Variants in CYP4F12 observed in about 807,000 individuals in gnomAD.
The protein encoded by CYP4F12 is cytochrome P450 4F12.
A neutral mutation model predicts 56.5 loss-of-function variants in CYP4F12; 60 were observed. That is an observed-to-expected ratio of 1.06 (90% confidence interval 0.86 to 1.32). The LOEUF (loss-of-function observed/expected upper bound fraction) is 1.32, where lower values mean the gene tolerates loss of function less well. CYP4F12 is among the 40% of genes most tolerant of loss of function. The pLI, the probability that CYP4F12 is intolerant of heterozygous loss-of-function variation, is 0.00. For missense variants in CYP4F12, 711 were observed against 683.5 expected, an observed-to-expected ratio of 1.04 and a Z score of -0.45; for synonymous variants, 263 against 264.9, an observed-to-expected ratio of 0.99 and a Z score of 0.07.
At chr19:15,695,588 A>C (rs1352434667) in intron 9 of CYP4F12, among the ~76,000 whole-genome samples, 1 of 151,934 alleles carries the variant, frequency 6.6e-6, no homozygotes, top group East Asian at 1.9e-4. Context: ...ACGCTAAATA[A>C]GAGCAAAACA....
chr19:15,684,936 A>T (rs1341158668), intron 8 of CYP4F12, 54 bp downstream of exon 8: 1 of 1,569,924 alleles, frequency 6.4e-7, no homozygotes, highest in East Asian at 2.2e-5. Flanking sequence ...CCATCTCAGG[A>T]TCCGGGTGGG....
In CYP4F12 at chr19:15,683,568, G is replaced by C; in HGVS notation, c.723G>C (p.Gln241His). 1 of 1,614,156 alleles carries C rather than the reference G, an allele frequency of 6.2e-7. No homozygotes were observed. The highest frequency in any genetic ancestry group is 8.5e-7 in the Non-Finnish European group (1 of 1,180,026). The change falls in exon 7 of 13, where the codon CAG (glutamine) becomes CAC (histidine). Residue 241 changes from glutamine to histidine, a missense_variant. By Grantham distance (24) the Gln-to-His change is conservative (BLOSUM62 0). Transcript: ENST00000550308. ...LVEKRSQHILQHMDFLYYLSH... is the reference protein window; with the variant it reads ...LVEKRSQHILHHMDFLYYLSH... ...AGAAAAGAAGCCAGCATATCCTCCA[G>C]CACATGGACTTTCTGTATTACCTCT...
At chr19:15,695,047 G>C (rs568386094) in intron 9 of CYP4F12, among the ~76,000 whole-genome samples, 2 of 152,106 alleles carry the variant, frequency 1.3e-5, no homozygotes, top group Non-Finnish European at 2.9e-5. Context: ...AAAGACACAT[G>C]CACATGTATG....
chr19:15,694,024 C>T (rs2008003846), intron 9 of CYP4F12, among the ~76,000 whole-genome samples: 1 of 151,880 alleles, frequency 6.6e-6, no homozygotes, highest in Non-Finnish European at 1.5e-5. Context: ...ACTCTGAGGG[C>T]TCTGTTCTGT....
At chr19:15,693,863 G>A (rs374674202) in intron 9 of CYP4F12, among the ~76,000 whole-genome samples, 8,442 of 104,554 alleles carry the variant, frequency 0.081, 581 homozygotes, top group African/African-American at 0.15. Flanking sequence ...ATTAATTTTT[G>A]TATAAGGTGT....
intron 3 of CYP4F12, 36 bp downstream of exon 3, chr19:15,678,441 C>T: frequency 1.2e-6 from 2 of 1,613,026 alleles, no homozygotes; most frequent in African/African-American, 2.7e-5. Flanking sequence ...GGGTGCCAGA[C>T]CAAGCTTCTG....
At position 15,696,498 on chromosome 19, in the gene CYP4F12, C is replaced by T. The variant is rs1347099489; in HGVS notation, c.1383C>T (p.Phe461=). The change falls in exon 12 of 13, where the codon TTC becomes TTT. Residue 461 remains phenylalanine, a synonymous_variant. Transcript: ENST00000550308. ...KGRSPLAFIP[F]SAGPRNCIGQ... is the part of the protein sequence containing the mutation. Reference sequence around the variant, plus strand: ...GGTCACCTCTGGCTTTTATTCCTTTCTCCGCAGGGCCCAGGTAAGAGCGCC... The same window carrying T: ...GGTCACCTCTGGCTTTTATTCCTTTTTCCGCAGGGCCCAGGTAAGAGCGCC... 1.9e-6 allele frequency: 3 copies of T among 1,613,948 alleles called. No homozygotes were observed. Among genetic ancestry groups the T allele is most frequent in the Admixed American group, 1.7e-5 (1 of 59,976 alleles).
Position 15,685,139 on chromosome 19 carries a change from C to A in CYP4F12, c.1057C>A (p.Arg353Ser). The A allele has an allele frequency of 1.2e-6, 2 of 1,614,174 alleles. No individual in the cohort carries two copies. Among genetic ancestry groups the A allele is most frequent in the Non-Finnish European group, 8.5e-7 (1 of 1,180,020 alleles). ...NLARHPEYQE[R>S]CRQEVQELLK... ...TGCGAGGCACCCAGAATACCAGGAG[C>A]GCTGCCGACAGGAGGTGCAAGAGCT... The change falls in exon 9 of 13, where the codon CGC (arginine) becomes AGC (serine). Residue 353 changes from arginine to serine, a missense_variant. Coordinates refer to ENST00000550308, the MANE Select transcript of CYP4F12 (RefSeq NM_023944.4).
chr19:15,692,405 C>T (rs1356138980), intron 9 of CYP4F12, among the ~76,000 whole-genome samples: 1 of 152,084 alleles, frequency 6.6e-6, no homozygotes, highest in Non-Finnish European at 1.5e-5. Context: ...ATTATTATGA[C>T]TAGTATCTTT....
intron 2 of CYP4F12, 133 bp from the exon 3 acceptor site, chr19:15,678,128 T>C: frequency 1.7e-6 from 2 of 1,175,040 alleles, no homozygotes; most frequent in South Asian, 2.8e-5. Flanking sequence ...CAAATGCTAA[T>C]CTCTTCTCAA....
At chr19:15,680,573 G>A (rs751823223) in intron 5 of CYP4F12, 54 bp downstream of exon 5, 12 of 1,613,130 alleles carry the variant, frequency 7.4e-6, no homozygotes, top group South Asian at 3.3e-5. Context: ...GAGGGACCAT[G>A]GACACATCTG....
At chr19:15,692,728 A>T (rs2007927618) in intron 9 of CYP4F12, among the ~76,000 whole-genome samples, 2 of 152,140 alleles carry the variant, frequency 1.3e-5, no homozygotes, top group Non-Finnish European at 2.9e-5. Flanking sequence ...GGATAACCTT[A>T]TTTTGACGTA....
chr19:15,682,369 C>G lies in CYP4F12; in HGVS notation c.526-20C>G, dbSNP rs12460365. ...AAGGAGGCAGGGCCCAGCTCTAGCT[C>G]TCTTCCCTTCTCTGGCCAGGACAAG... On this transcript the variant is annotated intron_variant, in intron 5 of 12. Transcript: ENST00000550308. 15,339 of 1,427,192 alleles carry G rather than the reference C, an allele frequency of 0.011. 116 individuals are homozygous for G. Among genetic ancestry groups the G allele is most frequent in the Admixed American group, 0.051 (2,764 of 53,712 alleles). 88.4% of individuals were successfully genotyped at this position (1,427,192 alleles called of 1,614,324 possible).
intron 2 of CYP4F12, among the ~76,000 whole-genome samples, chr19:15,676,695 T>G (rs1313065266): frequency 5.8e-5 from 1 of 17,244 alleles, no homozygotes; most frequent in African/African-American, 1.7e-4. Context: ...GCTCACTTAG[T>G]CATTCCTCTC....
At position 15,682,657 on chromosome 19, in the gene CYP4F12, T is replaced by C. The variant is rs144527207; in HGVS notation, c.647+147T>C. 488 of 1,265,766 alleles carry C rather than the reference T, an allele frequency of 3.9e-4. 3 individuals are homozygous for C. The African/African-American group carries it at 6.7e-3, about 17-fold the overall frequency. 78.4% of individuals were successfully genotyped at this position (1,265,766 alleles called of 1,614,324 possible). ...TTGAAGGTCGAGGAAGAGGAGAAAG[T>C]GCTGTCTTTCCAGGTAGAAATATGT... On this transcript the variant is annotated intron_variant, in intron 6 of 12. Coordinates refer to ENST00000550308, the MANE Select transcript of CYP4F12 (RefSeq NM_023944.4).
In CYP4F12 at chr19:15,682,726, G is replaced by C. The variant is rs111582187; in HGVS notation, c.647+216G>C. Among the ~76,000 whole-genome samples, 1,346 of 152,282 alleles carry C rather than the reference G, an allele frequency of 8.8e-3. 15 individuals carry two copies. The highest frequency in any genetic ancestry group is 0.031 in the African/African-American group (1,279 of 41,538). ...TAGGATGAGCCAAGCATGTGCAAGA[G>C]ACAGTAGAAATGAGGTTGTGGAAGT... On this transcript the variant is annotated intron_variant, in intron 6 of 12. Transcript: ENST00000550308.
At chr19:15,690,166 T>C (rs1195068270) in intron 9 of CYP4F12, among the ~76,000 whole-genome samples, 1 of 152,230 alleles carries the variant, frequency 6.6e-6, no homozygotes, top group Non-Finnish European at 1.5e-5. Flanking sequence ...CTTTTCTTTT[T>C]CTAAAAATAT....
chr19:15,679,836 T>C (rs775286630), intron 3 of CYP4F12, among the ~76,000 whole-genome samples: 7 of 152,202 alleles, frequency 4.6e-5, no homozygotes, highest in Non-Finnish European at 1.0e-4. Context: ...TTAAACCCTA[T>C]CTGGGGCCTG....
At chr19:15,685,485 T>C (rs528224630) in intron 9 of CYP4F12, among the ~76,000 whole-genome samples, 1 of 152,352 alleles carries the variant, frequency 6.6e-6, no homozygotes, top group South Asian at 2.1e-4. Flanking sequence ...ACTCTGTTTC[T>C]GTTCTCCCAG....
Sources: gnomAD v4.1 joint callset for allele counts (sites outside exome capture counted in the v4.1 genomes callset) on GRCh38, gnomAD v4.1.1 for gene constraint, MANE v1.5 for transcripts, NCBI Gene and HGNC (gene_info 2026-07-23, HGNC 2026-07-21) for gene names.